Variants in EXOC4 observed in about 807,000 individuals in gnomAD.
EXOC4 encodes the protein SEC8-like 1.
EXOC4 carries 71 observed loss-of-function variants against 107.2 expected under a neutral mutation model. The observed-to-expected ratio is 0.66, with a 90% CI of 0.55 to 0.81. The LOEUF (loss-of-function observed/expected upper bound fraction) is 0.81, where lower values mean the gene tolerates loss of function less well. Ranked by LOEUF, EXOC4 falls within the 30% of genes least tolerant of loss-of-function variation. The probability of loss-of-function intolerance (pLI) is 0.00; values close to 1 mark genes in which losing one functional copy is unlikely to be tolerated. For synonymous variants in EXOC4, 456 were observed against 441.2 expected, an observed-to-expected ratio of 1.03 and a Z score of -0.42; for missense variants, 1,108 against 1,189.6, an observed-to-expected ratio of 0.93 and a Z score of 1.01.
At chr7:133,945,287 A>G (rs1800523814) in intron 14 of EXOC4, among the ~76,000 whole-genome samples, 1 of 152,208 alleles carries the variant, frequency 6.6e-6, no homozygotes, top group South Asian at 2.1e-4. Flanking sequence ...ACAAACAACC[A>G]AGGTTGAGAA....
At chr7:133,397,339 G>C (rs1796993462) in intron 7 of EXOC4, among the ~76,000 whole-genome samples, 1 of 147,790 alleles carries the variant, frequency 6.8e-6, no homozygotes, top group Non-Finnish European at 1.5e-5. Context: ...TCTCCATGTT[G>C]GTCAGGGTGG....
At chr7:133,567,548 C>A (rs1800931709) in intron 9 of EXOC4, among the ~76,000 whole-genome samples, 2 of 152,154 alleles carry the variant, frequency 1.3e-5, no homozygotes, top group African/African-American at 4.8e-5. Flanking sequence ...GTGGCGTTTG[C>A]AGGCCAAACC....
intron 11 of EXOC4, among the ~76,000 whole-genome samples, chr7:133,834,233 A>G (rs1217375796): frequency 1.3e-5 from 2 of 151,802 alleles, no homozygotes; most frequent in African/African-American, 4.8e-5. Flanking sequence ...CCTTTGTTAG[A>G]TACCCAGGCA....
At chr7:133,708,752 T>TTA (rs1420692875) in intron 10 of EXOC4, among the ~76,000 whole-genome samples, 1 of 152,234 alleles carries the variant, frequency 6.6e-6, no homozygotes, top group African/African-American at 2.4e-5. Flanking sequence ...TGTATACTTA[T>TTA]TAACAGATTC....
chr7:133,415,505 C>G (rs568213933), intron 7 of EXOC4, among the ~76,000 whole-genome samples: 1 of 152,146 alleles, frequency 6.6e-6, no homozygotes, highest in South Asian at 2.1e-4. Flanking sequence ...TTGCATTTCT[C>G]TGGTGGCTAA....
chr7:133,855,128 A>AATAT (rs1160792457), intron 11 of EXOC4, among the ~76,000 whole-genome samples: 9 of 64,816 alleles, frequency 1.4e-4, no homozygotes, highest in African/African-American at 5.9e-4. Context: ...TATATATATA[A>AATAT]ATATATATAT....
chr7:133,714,494 G>A (rs1238344022), intron 10 of EXOC4, among the ~76,000 whole-genome samples: 2 of 152,156 alleles, frequency 1.3e-5, no homozygotes. Context: ...AAATCTAGCT[G>A]TCTTTTCCAT....
At chr7:133,637,648 G>T (rs1330081604) in intron 10 of EXOC4, among the ~76,000 whole-genome samples, 1 of 152,044 alleles carries the variant, frequency 6.6e-6, no homozygotes. Context: ...AAAAAATATT[G>T]CTAGTTTTCA....
Position 133,661,585 on chromosome 7 carries a change from T to C in EXOC4, c.1514+31444T>C, listed in dbSNP as rs1226990731. On this transcript the variant is annotated intron_variant, in intron 10 of 17. Transcript: ENST00000253861. ...TTTTGGGAGTTCCATCTCTCGGCTT[T>C]GGAGCCCCCCTCCTTTTGTCTCTGT... is the stretch of plus-strand genomic sequence containing the variant. Among the ~76,000 whole-genome samples, 7 of 151,064 alleles carry C rather than the reference T, an allele frequency of 4.6e-5. No individual in the cohort carries two copies. In the East Asian group the frequency reaches 1.2e-3, roughly 25 times the overall value.
chr7:133,374,570 G>A (rs1246571132), intron 6 of EXOC4, among the ~76,000 whole-genome samples: 9 of 152,144 alleles, frequency 5.9e-5, no homozygotes, highest in Admixed American at 5.9e-4. Flanking sequence ...TGCTATTGCT[G>A]GTTTAGGGGC....
chr7:133,773,822 T>G (rs1279592005), intron 10 of EXOC4, among the ~76,000 whole-genome samples: 1 of 152,026 alleles, frequency 6.6e-6, no homozygotes, highest in East Asian at 1.9e-4. Flanking sequence ...TAGCTGCTAT[T>G]GTCTGTGAAG....
At chr7:134,056,374 TA>T (rs1392106380) in intron 17 of EXOC4, among the ~76,000 whole-genome samples, 1 of 152,100 alleles carries the variant, frequency 6.6e-6, no homozygotes, top group Non-Finnish European at 1.5e-5. Flanking sequence ...AGGCCCTAAA[TA>T]AAAAAATCAC....
chr7:133,550,184 T>C (rs951185571), intron 9 of EXOC4, among the ~76,000 whole-genome samples: 9 of 152,140 alleles, frequency 5.9e-5, no homozygotes, highest in African/African-American at 1.7e-4. Context: ...TATTAATCAT[T>C]TATATTTACT....
chr7:133,884,582 T>TGC (rs1491273538), intron 11 of EXOC4, among the ~76,000 whole-genome samples: 1 of 12,970 alleles, frequency 7.7e-5, no homozygotes, highest in Non-Finnish European at 1.4e-4. Context: ...CCCTATGCTC[T>TGC]GTGTGTGTGT....
intron 9 of EXOC4, among the ~76,000 whole-genome samples, chr7:133,543,245 A>G (rs1443686749): frequency 6.6e-6 from 1 of 152,096 alleles, no homozygotes; most frequent in Non-Finnish European, 1.5e-5. Context: ...CAATAGCCTA[A>G]GGTTTTCCCC....
At chr7:133,548,127 T>C (rs1009616666) in intron 9 of EXOC4, among the ~76,000 whole-genome samples, 1 of 152,136 alleles carries the variant, frequency 6.6e-6, no homozygotes, top group Non-Finnish European at 1.5e-5. Flanking sequence ...CTCGTTTTTA[T>C]GTCAACAGTG....
At chr7:133,924,414 G>C (rs1467472001) in intron 13 of EXOC4, among the ~76,000 whole-genome samples, 3 of 152,082 alleles carry the variant, frequency 2.0e-5, no homozygotes, top group African/African-American at 7.2e-5. Context: ...TTAAATTGAA[G>C]GGAATGCTTT....
rs534852527 is a variant in EXOC4 at position 133,495,631 on chromosome 7, G to A, written c.1417+15493G>A. Among the ~76,000 whole-genome samples the A allele has an allele frequency of 5.2e-4, 79 of 152,242 alleles. 3 individuals carry two copies. In the South Asian group the frequency reaches 0.016, roughly 31 times the overall value. The stretch of plus-strand genomic sequence containing the variant: ...TCTGGCTTCTGTAACTCAACAAAAT[G>A]TCTGGCACATTCATTCTTGTGGATT... On this transcript the variant is annotated intron_variant, in intron 9 of 17. Coordinates refer to ENST00000253861, the MANE Select transcript of EXOC4 (RefSeq NM_021807.4).
At chr7:133,272,774 AG>A (rs1438516587) in intron 1 of EXOC4, among the ~76,000 whole-genome samples, 2 of 152,226 alleles carry the variant, frequency 1.3e-5, no homozygotes, top group African/African-American at 4.8e-5. Flanking sequence ...CAGAACCCCC[AG>A]TAGGCCCAAT....
Sources: allele counts gnomAD v4.1 joint callset (sites outside exome capture counted in the v4.1 genomes callset), GRCh38; gene constraint gnomAD v4.1.1; transcripts MANE v1.5; gene names NCBI Gene and HGNC (gene_info 2026-07-23, HGNC 2026-07-21).